DNM1L: variants seen among roughly 807,000 people sequenced by gnomAD.
DNM1L encodes dynamin 1L.
In DNM1L, 33 loss-of-function variants were observed where a neutral mutation model predicts 92.8. That is an observed-to-expected ratio of 0.36 (90% CI 0.27 to 0.48). The LOEUF is 0.48. DNM1L is among the 20% of genes least tolerant of loss of function. The pLI is 0.99. For synonymous variants in DNM1L, 284 were observed against 305.0 expected, an observed-to-expected ratio of 0.93 and a Z score of 0.72; for missense variants, 485 against 888.8, an observed-to-expected ratio of 0.55 and a Z score of 5.78.
intron 1 of DNM1L, among the ~76,000 whole-genome samples, chr12:32,691,024 T>A (rs1488744327): frequency 2.6e-5 from 4 of 152,200 alleles, no homozygotes; most frequent in African/African-American, 9.6e-5. Flanking sequence ...TAACAAAATG[T>A]CACAGACTGG....
chr12:32,711,655 A>G (rs1158858493), intron 5 of DNM1L, among the ~76,000 whole-genome samples: 4 of 152,108 alleles, frequency 2.6e-5, no homozygotes, highest in Non-Finnish European at 5.9e-5. Flanking sequence ...GCACTTTGGG[A>G]GATCAAGGTG....
At position 32,744,713 on chromosome 12, in the gene DNM1L, C is replaced by CA. The variant is rs370524523; in HGVS notation, c.*1315dup. 53,518 of 293,698 alleles carry CA rather than the reference C, an allele frequency of 0.18. 1,584 individuals carry two copies. Among genetic ancestry groups the CA allele is most frequent in the Middle Eastern group, 0.22 (524 of 2,404 alleles). 18.2% of individuals were successfully genotyped at this position (293,698 alleles called of 1,614,324 possible). Reference sequence around the variant, plus strand: ...TGGCAACAAGAGCGAAACTCCGTCTCAAAAAAAAAAAATAAAACAACACCC... The same window carrying CA: ...TGGCAACAAGAGCGAAACTCCGTCTCAAAAAAAAAAAAATAAAACAACACCC... On this transcript the variant is annotated 3_prime_UTR_variant, in exon 20 of 20. Transcript: ENST00000549701.
chr12:32,688,412 C>A (rs1484186565), intron 1 of DNM1L, among the ~76,000 whole-genome samples: 1 of 152,082 alleles, frequency 6.6e-6, no homozygotes, highest in African/African-American at 2.4e-5. Context: ...CCTATGGTTT[C>A]TTTTCTCTTT....
intron 1 of DNM1L, among the ~76,000 whole-genome samples, chr12:32,685,565 A>G (rs1271999471): frequency 5.3e-5 from 8 of 150,074 alleles, no homozygotes; most frequent in Non-Finnish European, 7.4e-5. Context: ...GTTTCCTTAT[A>G]TTGGTCAGGC....
rs1283808011 is a variant in DNM1L at position 32,701,574 on chromosome 12, A to T, written c.250+12A>T. 3.1e-6 allele frequency: 5 copies of T among 1,603,562 alleles called. No individual in the cohort carries two copies. In the South Asian group the frequency reaches 5.5e-5, roughly 18 times the overall value. ...AGGAGAAGAAAATGGTAAATTTCAG[A>T]TTTGAGATAATTATTTTACAGCTCT... On this transcript the variant is annotated intron_variant, in intron 2 of 19. Coordinates refer to ENST00000549701, the MANE Select transcript of DNM1L (RefSeq NM_012062.5).
intron 1 of DNM1L, among the ~76,000 whole-genome samples, chr12:32,690,671 G>C (rs999483662): frequency 6.6e-6 from 1 of 152,116 alleles, no homozygotes; most frequent in Non-Finnish European, 1.5e-5. Flanking sequence ...TATAAAGTGA[G>C]AATTAAATAG....
intron 6 of DNM1L, among the ~76,000 whole-genome samples, chr12:32,716,249 G>T (rs894903267): frequency 2.7e-5 from 4 of 150,396 alleles, no homozygotes; most frequent in Non-Finnish European, 2.9e-5. Context: ...TGGTGGGGGG[G>T]GGTGGCAATG....
At chr12:32,693,368 T>G (rs1417814299) in intron 1 of DNM1L, among the ~76,000 whole-genome samples, 2 of 152,230 alleles carry the variant, frequency 1.3e-5, no homozygotes, top group Non-Finnish European at 2.9e-5. Context: ...ATTTATACAT[T>G]TTGGTTACCA....
intron 18 of DNM1L, 43 bp from the exon 19 acceptor site, chr12:32,742,543 AAGT>A (rs779335286): frequency 2.5e-6 from 4 of 1,612,846 alleles, no homozygotes; most frequent in African/African-American, 1.3e-5. Context: ...AAATTGTTAA[AAGT>A]AGAATTTTGG....
At chr12:32,689,694 A>G (rs1057336358) in intron 1 of DNM1L, among the ~76,000 whole-genome samples, 1 of 152,226 alleles carries the variant, frequency 6.6e-6, no homozygotes, top group Non-Finnish European at 1.5e-5. Context: ...ACACAATGAA[A>G]AATTAAAACT....
At position 32,740,509 on chromosome 12, in the gene DNM1L, T is replaced by C. The variant is rs138697096; in HGVS notation, c.1985T>C (p.Ile662Thr). ...TATTTTCTCATTGTCAGAAAGAATATTCAAGACAGGTTAGTATTACTTAAT... is the reference window on the plus strand; with the variant it reads ...TATTTTCTCATTGTCAGAAAGAATACTCAAGACAGGTTAGTATTACTTAAT... ...KSYFLIVRKN[I>T]QDSVPKAVMH... The change falls in exon 18 of 20, where the codon ATT becomes ACT. Residue 662 changes from isoleucine (I) to threonine (T), a missense_variant. Physicochemically the swap from Ile to Thr is moderately conservative, Grantham distance 89. Around this residue, in one of 11 missense-constraint regions of DNM1L, gnomAD observed 133 missense variants for 210.9 expected, o/e 0.63. Transcript: ENST00000549701. 23 of 1,611,516 alleles carry C rather than the reference T, an allele frequency of 1.4e-5. No individual in the cohort carries two copies. The highest frequency in any genetic ancestry group is 1.5e-5 in the Non-Finnish European group (18 of 1,178,092).
At chr12:32,681,396 C>A (rs1290459112) in intron 1 of DNM1L, among the ~76,000 whole-genome samples, 1 of 151,986 alleles carries the variant, frequency 6.6e-6, no homozygotes, top group Non-Finnish European at 1.5e-5. Flanking sequence ...ACGAAAAATA[C>A]GAAAATTAGC....
chr12:32,693,772 G>T (rs1467407647), intron 1 of DNM1L, among the ~76,000 whole-genome samples: 1 of 151,738 alleles, frequency 6.6e-6, no homozygotes, highest in East Asian at 2.0e-4. Context: ...CGAGCAGCTG[G>T]TACTACAGGC....
At chr12:32,730,033 T>C (rs2137512643) in intron 9 of DNM1L, among the ~76,000 whole-genome samples, 1 of 152,294 alleles carries the variant, frequency 6.6e-6, no homozygotes, top group South Asian at 2.1e-4. Context: ...TTAAACAAGA[T>C]AGGAAACATA....
intron 1 of DNM1L, among the ~76,000 whole-genome samples, chr12:32,694,228 G>C (rs1952341498): frequency 6.6e-6 from 1 of 152,162 alleles, no homozygotes. Context: ...TGGGACTACA[G>C]GTGCGTGCCA....
At chr12:32,717,816 A>G (rs1457229960) in intron 6 of DNM1L, among the ~76,000 whole-genome samples, 1 of 88,374 alleles carries the variant, frequency 1.1e-5, no homozygotes, top group Non-Finnish European at 2.2e-5. Context: ...TATATATACT[A>G]TAAAATATAT....
intron 16 of DNM1L, among the ~76,000 whole-genome samples, chr12:32,739,445 A>G (rs910002489): frequency 6.6e-6 from 1 of 152,226 alleles, no homozygotes; most frequent in Non-Finnish European, 1.5e-5. Flanking sequence ...ACAGAGGTTG[A>G]GGGGACTTCT....
At chr12:32,733,331 G>T (rs1954683839) in intron 12 of DNM1L, 1 of 225,828 alleles carries the variant, frequency 4.4e-6, no homozygotes, top group Non-Finnish European at 8.7e-6. Context: ...TTTTCTTATT[G>T]TTGAAAATGA....
Position 32,718,713 on chromosome 12 carries a change from G to A in DNM1L, c.690G>A (p.Leu230=). Residue 230 remains leucine, a synonymous_variant, in exon 7 of 20, where the codon TTG becomes TTA. Transcript: ENST00000549701. The part of the protein sequence containing the change: ...MDAGTDAMDV[L]MGRVIPVKLG... ...CGGGTACTGATGCCATGGATGTATT[G>A]ATGGGAAGGGTTATTCCAGTCAAAC... 1 of 1,613,900 alleles carries A rather than the reference G, an allele frequency of 6.2e-7. No homozygotes were observed. Among genetic ancestry groups the A allele is most frequent in the Non-Finnish European group, 8.5e-7 (1 of 1,179,890 alleles).
Sources: allele counts gnomAD v4.1 joint callset (sites outside exome capture counted in the v4.1 genomes callset), GRCh38; gene constraint gnomAD v4.1.1; regional missense constraint gnomAD v4.1.1; transcripts MANE v1.5; gene names NCBI Gene and HGNC (gene_info 2026-07-23, HGNC 2026-07-21).